Variants in LRP1B observed in about 807,000 individuals in gnomAD.
LRP1B encodes LDL receptor related protein 1B, also known as low-density lipoprotein receptor-related protein 1B.
In LRP1B, 217 loss-of-function variants were observed where a neutral mutation model predicts 556.6. The ratio of observed to expected loss-of-function variants is 0.39; its 90% CI spans 0.35 to 0.44. The LOEUF (loss-of-function observed/expected upper bound fraction) is 0.44. Ranked by LOEUF, LRP1B falls within the 20% of genes least tolerant of loss-of-function variation. The pLI is 1.00. For missense variants in LRP1B, 5,053 were observed against 5,620.8 expected, an observed-to-expected ratio of 0.90 and a Z score of 3.23; for synonymous variants, 2,047 against 1,865.8, an observed-to-expected ratio of 1.10 and a Z score of -2.50.
chr2:140,614,913 C>A (rs1683204294), intron 41 of LRP1B, among the ~76,000 whole-genome samples: 1 of 152,270 alleles, frequency 6.6e-6, no homozygotes, highest in Non-Finnish European at 1.5e-5. Flanking sequence ...TTGCTTGTAA[C>A]CTCCAAGCTG....
At chr2:141,514,489 T>C (rs947800106) in intron 2 of LRP1B, among the ~76,000 whole-genome samples, 6 of 152,110 alleles carry the variant, frequency 3.9e-5, no homozygotes, top group Non-Finnish European at 7.4e-5. Flanking sequence ...CTCACCTGAG[T>C]GGCCAAACCT....
At chr2:140,787,271 A>G (rs1689938288) in intron 32 of LRP1B, among the ~76,000 whole-genome samples, 1 of 152,088 alleles carries the variant, frequency 6.6e-6, no homozygotes, top group Non-Finnish European at 1.5e-5. Context: ...AATCCCAAAC[A>G]TCTCTGTGCC....
At chr2:142,003,459 C>T (rs947568477) in intron 1 of LRP1B, among the ~76,000 whole-genome samples, 2 of 152,144 alleles carry the variant, frequency 1.3e-5, no homozygotes, top group Non-Finnish European at 2.9e-5. Flanking sequence ...GTGGACATAG[C>T]TCTATTTCAG....
intron 1 of LRP1B, among the ~76,000 whole-genome samples, chr2:141,952,692 C>T (rs570155591): frequency 6.6e-6 from 1 of 152,234 alleles, no homozygotes; most frequent in South Asian, 2.1e-4. Context: ...TCCCAAATTG[C>T]ACTCTTAAAA....
chr2:142,086,204 A>G (rs1464188777), intron 1 of LRP1B, among the ~76,000 whole-genome samples: 1 of 152,178 alleles, frequency 6.6e-6, no homozygotes, highest in Non-Finnish European at 1.5e-5. Context: ...TTCACATAAC[A>G]TATCTCAAAA....
chr2:141,483,227 C>T (rs1682991141), intron 2 of LRP1B, among the ~76,000 whole-genome samples: 1 of 149,164 alleles, frequency 6.7e-6, no homozygotes, highest in Non-Finnish European at 1.5e-5. Flanking sequence ...GTTTTTTGTC[C>T]TTGCGATAGT....
intron 1 of LRP1B, among the ~76,000 whole-genome samples, chr2:142,060,606 T>A (rs1369180857): frequency 6.6e-6 from 1 of 152,082 alleles, no homozygotes; most frequent in Admixed American, 6.6e-5. Context: ...CGTTGTCTTA[T>A]ATATCTTTGA....
chr2:140,260,501 CATT>C (rs889170085), intron 86 of LRP1B, among the ~76,000 whole-genome samples: 1 of 151,542 alleles, frequency 6.6e-6, no homozygotes, highest in Non-Finnish European at 1.5e-5. Context: ...ACACATTTGT[CATT>C]ATATATGTGT....
At chr2:140,317,192 G>T (rs1268361354) in intron 82 of LRP1B, among the ~76,000 whole-genome samples, 1 of 152,044 alleles carries the variant, frequency 6.6e-6, no homozygotes, top group African/African-American at 2.4e-5. Context: ...GAAGATCCAT[G>T]GATTTTAGAC....
At position 140,626,699 on chromosome 2, in the gene LRP1B, T is replaced by G. The variant is rs562346892; in HGVS notation, c.6800-25060A>C. Among the ~76,000 whole-genome samples the G allele has an allele frequency of 8.9e-5, 6 of 67,094 alleles. No homozygotes were observed. The East Asian group carries it at 3.9e-3, about 44-fold the overall frequency. 44.0% of individuals were successfully genotyped at this position (67,094 alleles called of 152,430 possible). A position where few individuals can be genotyped will look rare whatever the true frequency, so the allele number is the denominator to read the frequency against. ...AGTACACAAAAATTTAAAGCTTCCA[T>G]TTAAAAAAAAAAAAAAAAGAGTAAA... On this transcript the variant is annotated intron_variant, in intron 41 of 90. Transcript: ENST00000389484.
intron 33 of LRP1B, among the ~76,000 whole-genome samples, chr2:140,773,698 C>T (rs1284293214): frequency 6.6e-6 from 1 of 151,328 alleles, no homozygotes; most frequent in African/African-American, 2.4e-5. Context: ...TAATGTTAAA[C>T]ACTAACCATA....
intron 84 of LRP1B, among the ~76,000 whole-genome samples, chr2:140,291,752 T>C (rs1454025874): frequency 6.6e-6 from 1 of 152,134 alleles, no homozygotes; most frequent in Non-Finnish European, 1.5e-5. Context: ...CTATTGTGAA[T>C]AGTGCCACAA....
intron 2 of LRP1B, among the ~76,000 whole-genome samples, chr2:141,640,171 G>A (rs1237872005): frequency 6.6e-6 from 1 of 152,202 alleles, no homozygotes; most frequent in East Asian, 1.9e-4. Context: ...TGAGAACCAA[G>A]ATTCTTATAG....
At chr2:141,246,115 T>C (rs189588359) in intron 5 of LRP1B, among the ~76,000 whole-genome samples, 38 of 152,310 alleles carry the variant, frequency 2.5e-4, no homozygotes, top group Non-Finnish European at 1.2e-4. Context: ...TGGGAAATTA[T>C]ATAGTGATAG....
At chr2:141,446,911 A>G (rs1681214434) in intron 3 of LRP1B, among the ~76,000 whole-genome samples, 1 of 151,802 alleles carries the variant, frequency 6.6e-6, no homozygotes, top group African/African-American at 2.4e-5. Context: ...CTTCTCAAGG[A>G]GTCTCTTTGT....
chr2:141,008,519 G>T (rs1395757671), intron 14 of LRP1B, among the ~76,000 whole-genome samples: 1 of 151,338 alleles, frequency 6.6e-6, no homozygotes, highest in African/African-American at 2.4e-5. Flanking sequence ...GATCGAAAAA[G>T]ACATACTAAA....
At chr2:140,979,945 C>T (rs1384456254) in intron 18 of LRP1B, among the ~76,000 whole-genome samples, 1 of 152,046 alleles carries the variant, frequency 6.6e-6, no homozygotes, top group Non-Finnish European at 1.5e-5. Flanking sequence ...ACGTGTCTGG[C>T]AGCCCTCCCA....
intron 2 of LRP1B, among the ~76,000 whole-genome samples, chr2:141,755,331 TTTACATA>T (rs1694277000): frequency 2.6e-5 from 4 of 152,000 alleles, no homozygotes; most frequent in Admixed American, 2.0e-4. Context: ...AATATTCCAA[TTTACATA>T]CCCCAATTGA....
intron 32 of LRP1B, among the ~76,000 whole-genome samples, chr2:140,788,200 G>A (rs1689976290): frequency 6.6e-6 from 1 of 152,022 alleles, no homozygotes; most frequent in Non-Finnish European, 1.5e-5. Flanking sequence ...TAGCTATATG[G>A]AATAAACAAA....
Sources: allele counts gnomAD v4.1 joint callset (sites outside exome capture counted in the v4.1 genomes callset), GRCh38; gene constraint gnomAD v4.1.1; transcripts MANE v1.5; gene names NCBI Gene and HGNC (gene_info 2026-07-23, HGNC 2026-07-21).